MTUS2: variants seen among roughly 807,000 people sequenced by gnomAD.
MTUS2 encodes microtubule-associated tumor suppressor candidate 2.
In MTUS2, 40 loss-of-function variants were observed where a neutral mutation model predicts 114.1. The ratio of observed to expected loss-of-function variants is 0.35; its 90% CI spans 0.27 to 0.46. MTUS2 has a LOEUF of 0.46. Among genes scored for constraint, MTUS2 ranks in the 20% least tolerant of loss-of-function variants. The pLI, the probability that MTUS2 is intolerant of heterozygous loss-of-function variation, is 1.00. For synonymous variants in MTUS2, 688 were observed against 672.0 expected (o/e 1.02, Z -0.37); for missense variants, 1,679 against 1,705.4 (o/e 0.98, Z 0.27).
At chr13:29,427,289 T>C (rs1308415629) in intron 8 of MTUS2, among the ~76,000 whole-genome samples, 1 of 151,492 alleles carries the variant, frequency 6.6e-6, no homozygotes, top group African/African-American at 2.5e-5. Context: ...CAAATGTGTA[T>C]GTTTGCTTTG....
intron 6 of MTUS2, among the ~76,000 whole-genome samples, chr13:29,310,130 G>A (rs1367819764): frequency 1.3e-5 from 2 of 152,132 alleles, no homozygotes; most frequent in Non-Finnish European, 2.9e-5. Flanking sequence ...GAGTTCAGTT[G>A]TGTTAGTTTT....
chr13:28,929,407 T>C (rs2138082692), intron 2 of MTUS2, among the ~76,000 whole-genome samples: 1 of 152,318 alleles, frequency 6.6e-6, no homozygotes, highest in East Asian at 1.9e-4. Context: ...ATTATAAGTA[T>C]TACATTATCA....
At chr13:29,332,536 G>T (rs560734095) in intron 7 of MTUS2, among the ~76,000 whole-genome samples, 176 of 151,226 alleles carry the variant, frequency 1.2e-3, no homozygotes, top group Admixed American at 1.8e-3. Flanking sequence ...TTTTTGAAGG[G>T]TTTTTCGTAT....
intron 2 of MTUS2, among the ~76,000 whole-genome samples, chr13:28,998,248 G>T (rs1465533930): frequency 1.3e-5 from 2 of 152,196 alleles, no homozygotes; most frequent in Non-Finnish European, 2.9e-5. Context: ...TAGAGTTTCT[G>T]CCAAGAGATC....
At chr13:29,213,670 A>G (rs1483540482) in intron 5 of MTUS2, among the ~76,000 whole-genome samples, 2 of 152,172 alleles carry the variant, frequency 1.3e-5, no homozygotes. Context: ...TCTTAGTTTC[A>G]GCATGGAATA....
intron 5 of MTUS2, among the ~76,000 whole-genome samples, chr13:29,245,535 CCATCCTTAT>C: frequency 6.6e-6 from 1 of 152,260 alleles, no homozygotes; most frequent in South Asian, 2.1e-4. Context: ...AAGTCTCCTT[CCATCCTTAT>C]AACTCATGAA....
At position 29,255,265 on chromosome 13, in the gene MTUS2, G is replaced by A. The variant is rs549746899; in HGVS notation, c.2645-26439G>A. On this transcript the variant is annotated intron_variant, in intron 5 of 15. Coordinates refer to ENST00000612955, the MANE Select transcript of MTUS2 (RefSeq NM_001033602.4). ...CAGATAGAGGCATGGTGTTATTTCT[G>A]AGATTAATCATGGGGTTTTTCCATT... Among the ~76,000 whole-genome samples, 6 of 152,318 alleles carry A rather than the reference G, an allele frequency of 3.9e-5. No individual in the cohort carries two copies. The East Asian group carries it at 1.2e-3, about 29-fold the overall frequency.
intron 8 of MTUS2, among the ~76,000 whole-genome samples, chr13:29,425,607 C>T (rs936915022): frequency 6.6e-6 from 1 of 152,040 alleles, no homozygotes; most frequent in African/African-American, 2.4e-5. Flanking sequence ...GACGGTTGAA[C>T]CTGGAAATAG....
chr13:29,235,282 G>A (rs1368950491), intron 5 of MTUS2, among the ~76,000 whole-genome samples: 1 of 151,992 alleles, frequency 6.6e-6, no homozygotes, highest in East Asian at 1.9e-4. Flanking sequence ...TGGTAGAGAT[G>A]GGGTTTCTCC....
intron 1 of MTUS2, among the ~76,000 whole-genome samples, chr13:28,829,248 A>G (rs1874491307): frequency 6.6e-6 from 1 of 152,260 alleles, no homozygotes; most frequent in African/African-American, 2.4e-5. Context: ...AGCCTAAGTC[A>G]GGCACAGTGG....
intron 2 of MTUS2, among the ~76,000 whole-genome samples, chr13:28,957,402 G>C (rs1480247321): frequency 6.6e-6 from 1 of 152,142 alleles, no homozygotes; most frequent in East Asian, 1.9e-4. Flanking sequence ...TTGGTCTTCT[G>C]TATCCCTTGG....
chr13:29,415,761 A>G (rs1875614650), intron 8 of MTUS2, among the ~76,000 whole-genome samples: 2 of 152,090 alleles, frequency 1.3e-5, no homozygotes, highest in Admixed American at 6.6e-5. Context: ...TATATTATGC[A>G]TATTTCTTGT....
rs2139011737 is a variant in MTUS2 at position 29,498,646 on chromosome 13, GC to G, written c.3798+110del. The G allele has an allele frequency of 2.8e-6, 4 of 1,424,832 alleles. No homozygotes were observed. In the East Asian group the frequency reaches 9.4e-5, roughly 33 times the overall value. 88.3% of individuals were successfully genotyped at this position (1,424,832 alleles called of 1,614,324 possible). ...CAGGTGTGTCCCTTACCTGCCCATT[GC>G]TTACACCCAAGCAGAAAATCCCACA... On this transcript the variant is annotated intron_variant, in intron 14 of 15. Transcript: ENST00000612955.
chr13:29,103,271 A>G (rs1890501418), intron 5 of MTUS2, among the ~76,000 whole-genome samples: 1 of 152,192 alleles, frequency 6.6e-6, no homozygotes. Flanking sequence ...CGTGGCGCAA[A>G]CATCATAGAG....
rs112028993 is a variant in MTUS2, at chr13:28,992,865, C to T, written c.-242-31592C>T. Among the ~76,000 whole-genome samples, 462 of 152,222 alleles carry T rather than the reference C, an allele frequency of 3.0e-3. 2 individuals are homozygous for T. Among genetic ancestry groups the T allele is most frequent in the African/African-American group, 0.011 (438 of 41,536 alleles). On this transcript the variant is annotated intron_variant, in intron 2 of 15. Coordinates refer to ENST00000612955, the MANE Select transcript of MTUS2 (RefSeq NM_001033602.4). Reference sequence around the variant, plus strand: ...GTCTTTCATCTTGCAAGACTGAAACCGTCCCCGTTAAAAAACTTTCCATCT... The same window carrying T: ...GTCTTTCATCTTGCAAGACTGAAACTGTCCCCGTTAAAAAACTTTCCATCT...
At position 29,278,406 on chromosome 13, in the gene MTUS2, A is replaced by G. The variant is rs113444846; in HGVS notation, c.2645-3298A>G. Among the ~76,000 whole-genome samples the G allele has an allele frequency of 2.0e-3, 300 of 152,304 alleles. 3 individuals are homozygous for G. The highest frequency in any genetic ancestry group is 6.8e-3 in the African/African-American group (282 of 41,566). Reference sequence around the variant, plus strand: ...ATACTGATACCCAATACAGAATCCAATAAAGAATGTGTCCAGATTATTTAA... The same window carrying G: ...ATACTGATACCCAATACAGAATCCAGTAAAGAATGTGTCCAGATTATTTAA... On this transcript the variant is annotated intron_variant, in intron 5 of 15. Transcript: ENST00000612955.
chr13:28,878,269 GTATA>G (rs1007195377), intron 2 of MTUS2, among the ~76,000 whole-genome samples: 1 of 150,010 alleles, frequency 6.7e-6, no homozygotes, highest in Non-Finnish European at 1.5e-5. Flanking sequence ...GTGTATATGT[GTATA>G]TATGTGTGTG....
At chr13:29,087,069 C>T (rs1477796219) in intron 4 of MTUS2, among the ~76,000 whole-genome samples, 2 of 152,156 alleles carry the variant, frequency 1.3e-5, no homozygotes, top group African/African-American at 4.8e-5. Context: ...TTGACTTCCT[C>T]TCTTCCTATT....
chr13:28,985,968 G>A (rs1245028743), intron 2 of MTUS2, among the ~76,000 whole-genome samples: 5 of 152,152 alleles, frequency 3.3e-5, no homozygotes, highest in Admixed American at 1.3e-4. Flanking sequence ...ATAATTGTGC[G>A]AGCTAATTCT....
Sources: gnomAD v4.1 joint callset for allele counts (sites outside exome capture counted in the v4.1 genomes callset) on GRCh38, gnomAD v4.1.1 for gene constraint, MANE v1.5 for transcripts, NCBI Gene and HGNC (gene_info 2026-07-23, HGNC 2026-07-21) for gene names.